Variants in KCNJ6 observed in about 807,000 individuals in gnomAD.
KCNJ6 encodes potassium inwardly rectifying channel subfamily J member 6.
Under a neutral mutation model 34.2 loss-of-function variants are expected in KCNJ6, and 9 were observed. That is an observed-to-expected ratio of 0.26 (90% CI 0.16 to 0.46). The LOEUF is 0.46. Among genes scored for constraint, KCNJ6 ranks in the 20% least tolerant of loss-of-function variants. The pLI, the probability that KCNJ6 is intolerant of heterozygous loss-of-function variation, is 1.00. For synonymous variants in KCNJ6, 196 were observed against 207.1 expected, an observed-to-expected ratio of 0.95 and a Z score of 0.46; for missense variants, 236 against 531.3, an observed-to-expected ratio of 0.44 and a Z score of 5.46.
Position 37,645,879 on chromosome 21 carries a change from T to A in KCNJ6, c.947-20395A>T, listed in dbSNP as rs529755908. 1.2e-4 allele frequency among the ~76,000 whole-genome samples: 13 copies of A among 107,142 alleles called. No individual in the cohort carries two copies. In the South Asian group the frequency reaches 4.9e-3, roughly 40 times the overall value. The allele number at this position is 107,142 out of a possible 152,430, so 70.3% of individuals were successfully genotyped here. ...GTCCAGTGCACAGCCTCTCTTGTGATCTGCTGGAAGTCCCTCACTTCTTCG... is the reference window on the plus strand; with the variant it reads ...GTCCAGTGCACAGCCTCTCTTGTGAACTGCTGGAAGTCCCTCACTTCTTCG... On this transcript the variant is annotated intron_variant, in intron 3 of 3. Transcript: ENST00000609713.
At chr21:37,817,338 T>C (rs2055351592) in intron 2 of KCNJ6, among the ~76,000 whole-genome samples, 1 of 152,188 alleles carries the variant, frequency 6.6e-6, no homozygotes, top group Admixed American at 6.5e-5. Context: ...ACAAGGAGAA[T>C]AACAGTATTC....
At chr21:37,837,571 A>C (rs2055458042) in intron 2 of KCNJ6, among the ~76,000 whole-genome samples, 1 of 152,186 alleles carries the variant, frequency 6.6e-6, no homozygotes, top group African/African-American at 2.4e-5. Flanking sequence ...TGATGGGAGA[A>C]GAATCTCTAT....
At chr21:37,888,472 T>C (rs1035704669) in intron 1 of KCNJ6, among the ~76,000 whole-genome samples, 4 of 152,082 alleles carry the variant, frequency 2.6e-5, no homozygotes, top group African/African-American at 9.7e-5. Context: ...AAGGTTGACT[T>C]TGGAACCAGG....
Position 37,628,966 on chromosome 21 carries a change from A to ATTCCTTC in KCNJ6, c.947-3483_947-3482insGAAGGAA, listed in dbSNP as rs2054322522. 2.0e-5 allele frequency among the ~76,000 whole-genome samples: 3 copies of ATTCCTTC among 152,246 alleles called. No homozygotes were observed. In the South Asian group the frequency reaches 6.2e-4, roughly 32 times the overall value. ...AATTATCCTTCACAAATGAAGGAGA[A>ATTCCTTC]ATGAAGCCATTCCATGAACAAAAAT... On this transcript the variant is annotated intron_variant, in intron 3 of 3. Coordinates refer to ENST00000609713, the MANE Select transcript of KCNJ6 (RefSeq NM_002240.5).
chr21:37,664,891 G>A (rs564718108), intron 3 of KCNJ6, among the ~76,000 whole-genome samples: 146 of 148,778 alleles, frequency 9.8e-4, no homozygotes, highest in African/African-American at 3.6e-3. Flanking sequence ...CTGCCTCCCG[G>A]TTCACACCAT....
chr21:37,806,774 G>T (rs1196048480), intron 2 of KCNJ6, among the ~76,000 whole-genome samples: 5 of 152,118 alleles, frequency 3.3e-5, no homozygotes, highest in Non-Finnish European at 5.9e-5. Context: ...GTGTATTTTT[G>T]CTCTTTTGAG....
chr21:37,857,714 T>A (rs1031745481), intron 1 of KCNJ6, among the ~76,000 whole-genome samples: 16 of 152,034 alleles, frequency 1.1e-4, no homozygotes, highest in African/African-American at 3.9e-4. Flanking sequence ...CAGAAAGAAA[T>A]CCCCTGTTTC....
chr21:37,834,162 C>T (rs906901908), intron 2 of KCNJ6, among the ~76,000 whole-genome samples: 2 of 152,224 alleles, frequency 1.3e-5, no homozygotes, highest in African/African-American at 2.4e-5. Context: ...CAGTGGATTC[C>T]TTCTAAAATG....
rs144629637 is a variant in KCNJ6, at chr21:37,780,709, A to G, written c.25+59949T>C. 6.7e-3 allele frequency among the ~76,000 whole-genome samples: 1,024 copies of G among 152,318 alleles called. 13 individuals are homozygous for G. The highest frequency in any genetic ancestry group is 0.024 in the African/African-American group (992 of 41,570). ...GGTTTTATTTAATTGTACATTTTAAAATAACTAAAAGACTACATAATTGGA... is the reference window on the plus strand; with the variant it reads ...GGTTTTATTTAATTGTACATTTTAAGATAACTAAAAGACTACATAATTGGA... On this transcript the variant is annotated intron_variant, in intron 2 of 3. Transcript: ENST00000609713.
chr21:37,809,051 T>C (rs1478961726), intron 2 of KCNJ6, among the ~76,000 whole-genome samples: 1 of 152,246 alleles, frequency 6.6e-6, no homozygotes, highest in Non-Finnish European at 1.5e-5. Context: ...TTATACATCA[T>C]GCTGCTATAA....
At chr21:37,876,877 G>C (rs1396911179) in intron 1 of KCNJ6, among the ~76,000 whole-genome samples, 1 of 152,182 alleles carries the variant, frequency 6.6e-6, no homozygotes, top group South Asian at 2.1e-4. Context: ...CCTGAGGCAA[G>C]CTTGCTTCAA....
intron 2 of KCNJ6, among the ~76,000 whole-genome samples, chr21:37,766,947 G>A (rs1205092686): frequency 6.6e-6 from 1 of 152,176 alleles, no homozygotes; most frequent in African/African-American, 2.4e-5. Flanking sequence ...CTGAGAAACA[G>A]TTTCATTCCC....
chr21:37,802,740 T>C (rs971807639), intron 2 of KCNJ6, among the ~76,000 whole-genome samples: 4 of 152,162 alleles, frequency 2.6e-5, no homozygotes, highest in African/African-American at 7.2e-5. Flanking sequence ...TAAAATAATA[T>C]AAATTTAGGT....
At chr21:37,761,726 T>C (rs368012827) in intron 2 of KCNJ6, among the ~76,000 whole-genome samples, 271 of 151,842 alleles carry the variant, frequency 1.8e-3, no homozygotes, top group African/African-American at 6.2e-3. Flanking sequence ...TTTGTGTGTG[T>C]GGTGTGTGTC....
chr21:37,680,112 TTCTC>T (rs2054584193), intron 3 of KCNJ6, among the ~76,000 whole-genome samples: 2 of 152,206 alleles, frequency 1.3e-5, no homozygotes, highest in South Asian at 4.1e-4. Context: ...ATCCCACTCA[TTCTC>T]TCTCAACTGG....
chr21:37,858,223 C>T (rs908924375), intron 1 of KCNJ6, among the ~76,000 whole-genome samples: 1 of 151,712 alleles, frequency 6.6e-6, no homozygotes, highest in Non-Finnish European at 1.5e-5. Context: ...AACCCCATCT[C>T]TACTAAAAAT....
At chr21:37,648,749 T>C (rs575900116) in intron 3 of KCNJ6, among the ~76,000 whole-genome samples, 4 of 152,300 alleles carry the variant, frequency 2.6e-5, no homozygotes, top group South Asian at 2.1e-4. Context: ...GGGTCAGTCA[T>C]TTGTCCAATC....
At chr21:37,874,461 G>T (rs973686231) in intron 1 of KCNJ6, among the ~76,000 whole-genome samples, 3 of 152,114 alleles carry the variant, frequency 2.0e-5, no homozygotes, top group African/African-American at 7.2e-5. Flanking sequence ...TCTCCATTTG[G>T]ATGTCTAATA....
chr21:37,719,067 G>C (rs1447722220), intron 2 of KCNJ6, among the ~76,000 whole-genome samples: 1 of 152,070 alleles, frequency 6.6e-6, no homozygotes, highest in Non-Finnish European at 1.5e-5. Context: ...AAGGAAATGT[G>C]AGAGTTCTGG....
Sources: allele counts gnomAD v4.1 joint callset (sites outside exome capture counted in the v4.1 genomes callset), GRCh38; gene constraint gnomAD v4.1.1; transcripts MANE v1.5; gene names NCBI Gene and HGNC (gene_info 2026-07-23, HGNC 2026-07-21).